The following PILRA variants were observed in gnomAD, a reference collection of about 807,000 sequenced individuals.
PILRA encodes paired immunoglobin like type 2 receptor alpha.
In PILRA, 37 loss-of-function variants were observed where a neutral mutation model predicts 33.1. The observed-to-expected ratio is 1.12, with a 90% confidence interval of 0.86 to 1.47. The LOEUF (loss-of-function observed/expected upper bound fraction) is 1.47, where lower values mean the gene tolerates loss of function less well. PILRA is among the 40% of genes most tolerant of loss of function. PILRA has a pLI of 0.00. For missense variants in PILRA, 312 were observed against 376.2 expected (o/e 0.83, Z 1.41); for synonymous variants, 146 against 149.9 (o/e 0.97, Z 0.19).
At chr7:100,372,381 C>T (rs949756735), upstream of PILRA, among the ~76,000 whole-genome samples, 6 of 152,116 alleles carry the variant, frequency 3.9e-5, no homozygotes, top group East Asian at 1.9e-4. Context: ...AGAAGGGAGG[C>T]CCGTCCCTGC....
At chr7:100,382,845 T>A (rs1189855170) in intron 2 of PILRA, among the ~76,000 whole-genome samples, 1 of 151,948 alleles carries the variant, frequency 6.6e-6, no homozygotes, top group East Asian at 1.9e-4. Context: ...CACGAACCCA[T>A]AAAAAGGAAG....
chr7:100,390,376 C>T (rs922879594), intron 3 of PILRA, among the ~76,000 whole-genome samples: 4 of 152,126 alleles, frequency 2.6e-5, no homozygotes, highest in African/African-American at 4.8e-5. Context: ...ATCTACCTCC[C>T]CTGAAGGTTC....
chr7:100,391,882 T>C (rs986804718), intron 3 of PILRA, among the ~76,000 whole-genome samples: 11 of 152,292 alleles, frequency 7.2e-5, no homozygotes, highest in South Asian at 2.1e-4. Flanking sequence ...ATGTGTGGCA[T>C]CTCAGCAGAG....
At chr7:100,391,741 A>C (rs112356948) in intron 3 of PILRA, among the ~76,000 whole-genome samples, 10 of 152,338 alleles carry the variant, frequency 6.6e-5, no homozygotes, top group African/African-American at 1.9e-4. Flanking sequence ...AGGGAGCAGG[A>C]ATAAGCCCCT....
At chr7:100,374,000 G>A in intron 1 of PILRA, 44 bp from the exon 2 acceptor site, 4 of 1,594,072 alleles carry the variant, frequency 2.5e-6, no homozygotes, top group Non-Finnish European at 3.4e-6. Context: ...GTGTCTTGAG[G>A]TGGTTTCAAG....
intron 3 of PILRA, 27 bp from the exon 4 acceptor site, chr7:100,397,852 C>A (rs770668215): frequency 6.2e-7 from 1 of 1,612,762 alleles, no homozygotes; most frequent in Non-Finnish European, 8.5e-7. Context: ...CGGATGCCAC[C>A]CTGACTCACT....
rs1030351179 is a variant in PILRA, at chr7:100,397,807, G to T, written c.674-72G>T. 3.4e-6 allele frequency: 5 copies of T among 1,486,914 alleles called. No homozygotes were observed. The East Asian group carries it at 6.8e-5, about 20-fold the overall frequency. 92.1% of individuals were successfully genotyped at this position (1,486,914 alleles called of 1,614,324 possible). A position where few individuals can be genotyped will look rare whatever the true frequency, so the allele number is the denominator to read the frequency against. ...TCTAAGGAGGGCCTCAGCCTAGGGC[G>T]CAGCAGAGAAGGTGGGATGGAGACT... On this transcript the variant is annotated intron_variant, in intron 3 of 6. Coordinates refer to ENST00000198536, the MANE Select transcript of PILRA (RefSeq NM_013439.3).
chr7:100,379,202 G>A (rs142022490), intron 2 of PILRA, among the ~76,000 whole-genome samples: 37 of 151,974 alleles, frequency 2.4e-4, no homozygotes, highest in African/African-American at 7.7e-4. Flanking sequence ...CCAGGAGTTC[G>A]TGACCAGTTT....
At chr7:100,390,241 C>A in intron 3 of PILRA, 135 bp downstream of exon 3, 1 of 742,156 alleles carries the variant, frequency 1.3e-6, no homozygotes, top group Admixed American at 2.2e-5. Context: ...GACTTCGTGG[C>A]CTATGCTGAG....
chr7:100,399,728 A>C (rs1312875178), intron 6 of PILRA, 57 bp from the exon 7 acceptor site: 8 of 1,612,026 alleles, frequency 5.0e-6, no homozygotes, highest in Non-Finnish European at 6.8e-6. Flanking sequence ...CTTGCCGCTA[A>C]GATGGGAACA....
At position 100,384,512 on chromosome 7, in the gene PILRA, C is replaced by T. The variant is rs186238957; in HGVS notation, c.455-5376C>T. 1.8e-3 allele frequency among the ~76,000 whole-genome samples: 278 copies of T among 151,572 alleles called. 2 individuals carry two copies. Among genetic ancestry groups the T allele is most frequent in the South Asian group, 7.4e-3 (35 of 4,752 alleles). On this transcript the variant is annotated intron_variant, in intron 2 of 6. Transcript: ENST00000198536. ...GCATGATCTTGGCTCACTGCAACCC[C>T]GGCCTCCTGAGTAGCTAGGACTGCA...
intron 4 of PILRA, 76 bp downstream of exon 4, chr7:100,397,988 G>A (rs903232938): frequency 2.3e-5 from 33 of 1,450,228 alleles, no homozygotes; most frequent in Admixed American, 1.4e-4. Context: ...AACAGGGAGT[G>A]TGCTGCTAAG....
At position 100,399,988 on chromosome 7, in the gene PILRA, T is replaced by C. The variant is rs1791628585; in HGVS notation, c.*81T>C. The C allele has an allele frequency of 1.4e-6, 2 of 1,395,170 alleles. No homozygotes were observed. The highest frequency in any genetic ancestry group is 2.4e-5 in the East Asian group (1 of 40,874). The allele number at this position is 1,395,170 out of a possible 1,614,324, so 86.4% of individuals were successfully genotyped here. A position where few individuals can be genotyped will look rare whatever the true frequency, so the allele number is the denominator to read the frequency against. On this transcript the variant is annotated 3_prime_UTR_variant, in exon 7 of 7. Coordinates refer to ENST00000198536, the MANE Select transcript of PILRA (RefSeq NM_013439.3). The stretch of plus-strand genomic sequence containing the variant: ...CTGTAATCCCAGCTACTCTGAAGCC[T>C]GAGGCAGAATCAAGTGAGCCCAGGA...
chr7:100,396,058 A>G (rs1210754034), intron 3 of PILRA, among the ~76,000 whole-genome samples: 2 of 152,140 alleles, frequency 1.3e-5, no homozygotes, highest in African/African-American at 4.8e-5. Context: ...CGGGAGGCAG[A>G]GGTTGCAGTG....
intron 2 of PILRA, 59 bp downstream of exon 2, chr7:100,374,492 T>C: frequency 6.2e-7 from 1 of 1,601,632 alleles, no homozygotes; most frequent in Non-Finnish European, 8.5e-7. Flanking sequence ...TTATGATCAC[T>C]GGTGACATCG....
intron 4 of PILRA, 80 bp downstream of exon 4, chr7:100,397,992 T>C: frequency 7.0e-7 from 1 of 1,419,202 alleles, no homozygotes; most frequent in Non-Finnish European, 1.0e-6. Context: ...GGGAGTGTGC[T>C]GCTAAGAACC....
Position 100,374,111 on chromosome 7 carries a change from C to A in PILRA, c.132C>A (p.Ser44=). The A allele has an allele frequency of 6.2e-7, 1 of 1,614,132 alleles. No homozygotes were observed. The highest frequency in any genetic ancestry group is 8.5e-7 in the Non-Finnish European group (1 of 1,180,020). Residue 44 remains serine, a synonymous_variant, in exon 2 of 7, where the codon TCC becomes TCA. Transcript: ENST00000198536. ...GVTQPKHLSA[S]MGGSVEIPFS... The stretch of plus-strand genomic sequence containing the variant: ...CTCAACCAAAACACCTCTCAGCCTC[C>A]ATGGGTGGCTCTGTGGAAATCCCCT...
intron 2 of PILRA, among the ~76,000 whole-genome samples, chr7:100,388,100 A>G (rs1220403200): frequency 6.6e-6 from 1 of 152,046 alleles, no homozygotes; most frequent in Non-Finnish European, 1.5e-5. Flanking sequence ...AATATGTATT[A>G]CTCTAGTTTT....
At chr7:100,375,557 C>A (rs1790924186) in intron 2 of PILRA, among the ~76,000 whole-genome samples, 1 of 152,166 alleles carries the variant, frequency 6.6e-6, no homozygotes, top group Non-Finnish European at 1.5e-5. Context: ...CATGGTGAAA[C>A]CCCGTCTCTA....
Sources: gnomAD v4.1 joint callset for allele counts (sites outside exome capture counted in the v4.1 genomes callset) on GRCh38, gnomAD v4.1.1 for gene constraint, MANE v1.5 for transcripts, NCBI Gene and HGNC (gene_info 2026-07-23, HGNC 2026-07-21) for gene names.